The following ULK4 variants were observed in gnomAD, a reference collection of about 807,000 sequenced individuals.
ULK4 encodes unc-51 like kinase 4, also known as inactive serine/threonine-protein kinase ULK4.
Under a neutral mutation model 160.6 loss-of-function variants are expected in ULK4, and 133 were observed. The observed-to-expected ratio is 0.83, with a 90% CI of 0.72 to 0.96. The LOEUF (loss-of-function observed/expected upper bound fraction) is 0.96. Ranked by LOEUF, ULK4 falls within the 40% of genes least tolerant of loss-of-function variation. The pLI is 0.00. For synonymous variants in ULK4, 534 were observed against 539.8 expected (o/e 0.99, Z 0.15); for missense variants, 1,580 against 1,499.5 (o/e 1.05, Z -0.89).
chr3:41,937,906 A>G, intron 3 of ULK4, 192 bp downstream of exon 3: 1 of 395,488 alleles, frequency 2.5e-6, no homozygotes, highest in Non-Finnish European at 4.4e-6. Context: ...ACACGAAAGT[A>G]AATCCAACCC....
At chr3:41,911,519 A>G in intron 10 of ULK4, 22 bp downstream of exon 10, 1 of 1,600,964 alleles carries the variant, frequency 6.2e-7, no homozygotes, top group Non-Finnish European at 8.6e-7. Flanking sequence ...AAGTAGCATG[A>G]ATGTGCTCAA....
At chr3:41,266,956 A>G (rs1211083990) in intron 35 of ULK4, among the ~76,000 whole-genome samples, 6 of 141,998 alleles carry the variant, frequency 4.2e-5, no homozygotes, top group Admixed American at 7.1e-5. Flanking sequence ...TGGAAAATAT[A>G]ACCCTCTTGC....
intron 35 of ULK4, among the ~76,000 whole-genome samples, chr3:41,329,821 G>A (rs1363460777): frequency 6.6e-6 from 1 of 152,054 alleles, no homozygotes; most frequent in African/African-American, 2.4e-5. Flanking sequence ...TCATTTGAGT[G>A]AAAAAATAAA....
Position 41,545,399 on chromosome 3 carries a change from A to T in ULK4, c.3226+20626T>A, listed in dbSNP as rs549190300. On this transcript the variant is annotated intron_variant, in intron 32 of 36. Transcript: ENST00000301831. ...TCATTTTAAAAGACACTTTCTGGAG[A>T]TATAAAAATATAGATTGGCAACTTT... 2.0e-4 allele frequency among the ~76,000 whole-genome samples: 30 copies of T among 152,308 alleles called. 1 individual carries two copies. In the Middle Eastern group the frequency reaches 0.017, roughly 86 times the overall value.
At chr3:41,850,381 C>T (rs1364508961) in intron 17 of ULK4, among the ~76,000 whole-genome samples, 3 of 152,108 alleles carry the variant, frequency 2.0e-5, no homozygotes, top group Admixed American at 1.3e-4. Context: ...TCTGAGGAAT[C>T]GCCACACTGA....
chr3:41,784,845 G>A (rs1047658409), intron 21 of ULK4, among the ~76,000 whole-genome samples: 1 of 152,158 alleles, frequency 6.6e-6, no homozygotes, highest in African/African-American at 2.4e-5. Context: ...GTTAGTTTAA[G>A]ATGAAAACCT....
rs1388686385 is a variant in ULK4 at position 41,826,523 on chromosome 3, AAC to A, written c.1765-7019_1765-7018del. 4.0e-5 allele frequency among the ~76,000 whole-genome samples: 6 copies of A among 151,122 alleles called. No individual in the cohort carries two copies. The East Asian group carries it at 5.8e-4, about 15-fold the overall frequency. ...GGGTTGCAATCCTAGTCTCTGATAA[AAC>A]AGACTTTAAACCAACAAAGATCAAA... On this transcript the variant is annotated intron_variant, in intron 18 of 36. Coordinates refer to ENST00000301831, the MANE Select transcript of ULK4 (RefSeq NM_017886.4).
At chr3:41,431,891 G>C (rs889214094) in intron 34 of ULK4, among the ~76,000 whole-genome samples, 37 of 149,660 alleles carry the variant, frequency 2.5e-4, no homozygotes, top group Non-Finnish European at 5.5e-4. Context: ...TCGGGTTCAC[G>C]CCATTCTCCT....
chr3:41,907,046 G>A (rs1402338946), intron 12 of ULK4, among the ~76,000 whole-genome samples: 2 of 152,060 alleles, frequency 1.3e-5, no homozygotes, highest in Non-Finnish European at 2.9e-5. Context: ...AGCTAGTAAC[G>A]AAAGACCACA....
At chr3:41,399,890 C>T (rs2082143378) in intron 34 of ULK4, among the ~76,000 whole-genome samples, 1 of 152,166 alleles carries the variant, frequency 6.6e-6, no homozygotes, top group Admixed American at 6.6e-5. Flanking sequence ...CAGGCAAGAG[C>T]CACCATACCC....
At chr3:41,535,592 T>C (rs2086470421) in intron 32 of ULK4, among the ~76,000 whole-genome samples, 4 of 152,216 alleles carry the variant, frequency 2.6e-5, no homozygotes, top group Non-Finnish European at 5.9e-5. Flanking sequence ...AGATTTACAG[T>C]AGACTTCATT....
intron 32 of ULK4, among the ~76,000 whole-genome samples, chr3:41,540,354 A>G (rs2086653022): frequency 6.6e-6 from 1 of 152,176 alleles, no homozygotes; most frequent in Non-Finnish European, 1.5e-5. Context: ...ATGTCCCTCC[A>G]AAGGACATGA....
chr3:41,960,761 A>G (rs1290529011), intron 1 of ULK4, among the ~76,000 whole-genome samples: 1 of 152,182 alleles, frequency 6.6e-6, no homozygotes, highest in African/African-American at 2.4e-5. Flanking sequence ...AGACTTCCTA[A>G]TATTCATTTT....
At chr3:41,581,754 A>G (rs1320261314) in intron 31 of ULK4, among the ~76,000 whole-genome samples, 4 of 152,296 alleles carry the variant, frequency 2.6e-5, no homozygotes, top group East Asian at 1.9e-4. Context: ...GAGCAGTGCC[A>G]TGTGCTAATC....
chr3:41,495,204 A>C (rs2084942385), intron 32 of ULK4, among the ~76,000 whole-genome samples: 1 of 152,226 alleles, frequency 6.6e-6, no homozygotes, highest in African/African-American at 2.4e-5. Context: ...TAACCAAAAC[A>C]GCATGGTACT....
intron 22 of ULK4, among the ~76,000 whole-genome samples, chr3:41,724,754 C>A (rs2037591761): frequency 1.3e-5 from 2 of 152,036 alleles, no homozygotes; most frequent in Admixed American, 1.3e-4. Context: ...TCCAGTTTTT[C>A]TATATCTTTG....
intron 22 of ULK4, among the ~76,000 whole-genome samples, chr3:41,739,954 T>G (rs1480431724): frequency 6.6e-6 from 1 of 151,960 alleles, no homozygotes; most frequent in Non-Finnish European, 1.5e-5. Context: ...ATGCAAAATT[T>G]TACAGCTTTT....
intron 27 of ULK4, among the ~76,000 whole-genome samples, chr3:41,702,940 G>A (rs1316224090): frequency 4.1e-5 from 6 of 145,458 alleles, no homozygotes; most frequent in African/African-American, 5.4e-5. Flanking sequence ...TGCAACCTCC[G>A]CCTCCCAGGT....
At chr3:41,712,616 G>A (rs2037136747) in intron 25 of ULK4, among the ~76,000 whole-genome samples, 1 of 152,198 alleles carries the variant, frequency 6.6e-6, no homozygotes, top group Non-Finnish European at 1.5e-5. Flanking sequence ...AATGCTGGGA[G>A]AGGTGGCTCA....
Sources: allele counts gnomAD v4.1 joint callset (sites outside exome capture counted in the v4.1 genomes callset), GRCh38; gene constraint gnomAD v4.1.1; transcripts MANE v1.5; gene names NCBI Gene and HGNC (gene_info 2026-07-23, HGNC 2026-07-21).